SLC25A13: variants seen among roughly 807,000 people sequenced by gnomAD.
SLC25A13 encodes solute carrier family 25 member 13.
Under a neutral mutation model 85.5 loss-of-function variants are expected in SLC25A13, and 70 were observed. The observed-to-expected ratio is 0.82, with a 90% CI of 0.68 to 1.00. SLC25A13 has a LOEUF of 1.00. SLC25A13 is among the 50% of genes least tolerant of loss of function. The probability of loss-of-function intolerance (pLI) is 0.00; values close to 1 mark genes in which losing one functional copy is unlikely to be tolerated. For missense variants in SLC25A13, 765 were observed against 819.8 expected, an observed-to-expected ratio of 0.93 and a Z score of 0.82; for synonymous variants, 259 against 288.7, an observed-to-expected ratio of 0.90 and a Z score of 1.04.
intron 13 of SLC25A13, among the ~76,000 whole-genome samples, chr7:96,160,372 C>T (rs1206497038): frequency 6.6e-6 from 1 of 152,202 alleles, no homozygotes; most frequent in Non-Finnish European, 1.5e-5. Flanking sequence ...AGCCCTTAGC[C>T]AGGGAGGCTA....
At chr7:96,285,315 C>CA (rs1173868407) in intron 2 of SLC25A13, among the ~76,000 whole-genome samples, 5 of 152,164 alleles carry the variant, frequency 3.3e-5, no homozygotes, top group African/African-American at 1.2e-4. Context: ...ATCTCCTCGT[C>CA]AAAAAACCTC....
At chr7:96,231,589 T>C (rs1796541668) in intron 4 of SLC25A13, among the ~76,000 whole-genome samples, 1 of 151,778 alleles carries the variant, frequency 6.6e-6, no homozygotes. Context: ...CCAGACGTGG[T>C]GGTGCGCGCC....
intron 5 of SLC25A13, among the ~76,000 whole-genome samples, chr7:96,205,124 G>A (rs1795409153): frequency 6.6e-6 from 1 of 152,080 alleles, no homozygotes; most frequent in African/African-American, 2.4e-5. Context: ...TGGCCAGGAT[G>A]GTCTCGAACT....
In SLC25A13 at chr7:96,306,796, A is replaced by G. The variant is rs987632253; in HGVS notation, c.16-9845T>C. The G allele has an allele frequency of 2.6e-5, 35 of 1,332,534 alleles. No individual in the cohort carries two copies. In the Admixed American group the frequency reaches 4.9e-4, roughly 19 times the overall value. 82.5% of individuals were successfully genotyped at this position (1,332,534 alleles called of 1,614,324 possible). A position where few individuals can be genotyped will look rare whatever the true frequency, so the allele number is the denominator to read the frequency against. On this transcript the variant is annotated intron_variant, in intron 1 of 17. Transcript: ENST00000265631. Reference sequence around the variant, plus strand: ...CTCTGATACCTCCTAGTGCCCTATCATCTCTACCCCCAGGGACTCAGGAGA... The same window carrying G: ...CTCTGATACCTCCTAGTGCCCTATCGTCTCTACCCCCAGGGACTCAGGAGA...
intron 3 of SLC25A13, among the ~76,000 whole-genome samples, chr7:96,243,843 G>C (rs1225871642): frequency 6.6e-6 from 1 of 152,126 alleles, no homozygotes; most frequent in Non-Finnish European, 1.5e-5. Context: ...GAAGGGAAAG[G>C]GGATGAGGAT....
chr7:96,321,973 G>C lies in SLC25A13; in HGVS notation c.-17C>G. On this transcript the variant is annotated 5_prime_UTR_variant, in exon 1 of 18. Transcript: ENST00000265631. ...GGCCGCCATGATTCGCCCCGGTTGC[G>C]GGCGACTGCGGGACCCACTGACTGG... 6.5e-7 allele frequency: 1 copy of C among 1,538,730 alleles called. No homozygotes were observed. Among genetic ancestry groups the C allele is most frequent in the Non-Finnish European group, 8.7e-7 (1 of 1,143,914 alleles).
At chr7:96,207,405 G>T (rs1447846305) in intron 5 of SLC25A13, among the ~76,000 whole-genome samples, 3 of 152,026 alleles carry the variant, frequency 2.0e-5, no homozygotes, top group African/African-American at 7.2e-5. Flanking sequence ...CCCAGAACAG[G>T]ATTCCAACCA....
chr7:96,139,929 A>G, intron 14 of SLC25A13, among the ~76,000 whole-genome samples: 1 of 143,178 alleles, frequency 7.0e-6, no homozygotes, highest in African/African-American at 2.6e-5. Flanking sequence ...TCTCCTTCAG[A>G]TATCTGATTT....
intron 2 of SLC25A13, among the ~76,000 whole-genome samples, chr7:96,292,539 C>G (rs1226098216): frequency 6.6e-6 from 1 of 152,220 alleles, no homozygotes; most frequent in Admixed American, 6.5e-5. Flanking sequence ...CCCATCGTCT[C>G]AGCCCAAAAT....
At chr7:96,252,316 T>C (rs1052267670) in intron 3 of SLC25A13, among the ~76,000 whole-genome samples, 1 of 151,216 alleles carries the variant, frequency 6.6e-6, no homozygotes, top group Non-Finnish European at 1.5e-5. Flanking sequence ...TGAAGGGAGG[T>C]GTGAAAGAAA....
chr7:96,254,937 T>C (rs1307338867), intron 3 of SLC25A13, among the ~76,000 whole-genome samples: 2 of 152,156 alleles, frequency 1.3e-5, no homozygotes, highest in African/African-American at 4.8e-5. Context: ...TTGGGAAACA[T>C]ATGTTTTACA....
intron 1 of SLC25A13, among the ~76,000 whole-genome samples, chr7:96,316,838 C>CAT (rs746818692): frequency 2.5e-4 from 38 of 152,322 alleles, no homozygotes; most frequent in Non-Finnish European, 4.3e-4. Flanking sequence ...ACACCTCTCC[C>CAT]ATATACTTTA....
In SLC25A13 at chr7:96,265,207, T is replaced by C. The variant is rs189883316; in HGVS notation, c.212+11989A>G. ...ATGGGTCTATGAGCACTTTTCAAAC[T>C]ATCTGTTACCCATGCATAATTTTGT... On this transcript the variant is annotated intron_variant, in intron 3 of 17. Transcript: ENST00000265631. 1.1e-3 allele frequency among the ~76,000 whole-genome samples: 170 copies of C among 152,336 alleles called. 1 individual carries two copies. Among genetic ancestry groups the C allele is most frequent in the Non-Finnish European group, 1.5e-3 (102 of 68,022 alleles).
chr7:96,144,131 A>G (rs1252226912), intron 14 of SLC25A13, among the ~76,000 whole-genome samples: 1 of 152,332 alleles, frequency 6.6e-6, no homozygotes, highest in East Asian at 1.9e-4. Context: ...CCCTAGAAAG[A>G]TGGATCTTAA....
At chr7:96,210,627 C>A (rs2116724095) in intron 4 of SLC25A13, among the ~76,000 whole-genome samples, 1 of 152,260 alleles carries the variant, frequency 6.6e-6, no homozygotes, top group South Asian at 2.1e-4. Flanking sequence ...CCGAGATAAT[C>A]TGTGACTCCT....
chr7:96,141,289 C>T (rs893630714), intron 14 of SLC25A13, among the ~76,000 whole-genome samples: 2 of 152,124 alleles, frequency 1.3e-5, no homozygotes, highest in African/African-American at 2.4e-5. Flanking sequence ...TCCTGAAATA[C>T]TGAGATTACA....
At chr7:96,242,049 T>G (rs1021036001) in intron 3 of SLC25A13, among the ~76,000 whole-genome samples, 5 of 152,214 alleles carry the variant, frequency 3.3e-5, no homozygotes, top group Non-Finnish European at 4.4e-5. Flanking sequence ...TTGTAGACAA[T>G]GTACCATCAA....
intron 13 of SLC25A13, among the ~76,000 whole-genome samples, chr7:96,157,293 C>T (rs1354661730): frequency 6.6e-6 from 1 of 152,090 alleles, no homozygotes; most frequent in Non-Finnish European, 1.5e-5. Context: ...TCTAATACCG[C>T]CTTCTCTGAA....
intron 3 of SLC25A13, among the ~76,000 whole-genome samples, chr7:96,267,534 C>T (rs1037472977): frequency 3.9e-5 from 6 of 152,104 alleles, no homozygotes; most frequent in African/African-American, 1.2e-4. Context: ...TATCTGAGGC[C>T]GGGCATAGTG....
Sources: gnomAD v4.1 joint callset for allele counts (sites outside exome capture counted in the v4.1 genomes callset) on GRCh38, gnomAD v4.1.1 for gene constraint, MANE v1.5 for transcripts, NCBI Gene and HGNC (gene_info 2026-07-23, HGNC 2026-07-21) for gene names.